Variants in LMBR1 observed in about 807,000 individuals in gnomAD.
LMBR1 encodes limb region 1 protein homolog.
LMBR1 carries 52 observed loss-of-function variants against 73.9 expected under a neutral mutation model. The observed-to-expected ratio is 0.70, with a 90% confidence interval of 0.56 to 0.89. The LOEUF (loss-of-function observed/expected upper bound fraction) is 0.89. Ranked by LOEUF, LMBR1 falls within the 40% of genes least tolerant of loss-of-function variation. The probability of loss-of-function intolerance (pLI) is 0.00; values close to 1 mark genes in which losing one functional copy is unlikely to be tolerated. For synonymous variants in LMBR1, 215 were observed against 209.4 expected (o/e 1.03, Z -0.23); for missense variants, 539 against 579.8 (o/e 0.93, Z 0.72).
chr7:156,703,050 A>G (rs527899049), intron 15 of LMBR1, among the ~76,000 whole-genome samples: 1 of 152,336 alleles, frequency 6.6e-6, no homozygotes, highest in African/African-American at 2.4e-5. Context: ...GGGAAACTGT[A>G]CAATCCAGGC....
At chr7:156,848,605 G>A (rs2134047362) in intron 1 of LMBR1, among the ~76,000 whole-genome samples, 1 of 152,270 alleles carries the variant, frequency 6.6e-6, no homozygotes, top group Admixed American at 6.5e-5. Context: ...AGTCACTGTG[G>A]AAAGCAGTGT....
At chr7:156,686,099 T>G (rs1805950101) in intron 16 of LMBR1, among the ~76,000 whole-genome samples, 1 of 151,848 alleles carries the variant, frequency 6.6e-6, no homozygotes, top group Non-Finnish European at 1.5e-5. Context: ...GAAAAGGGAC[T>G]GAGTGAAGAC....
chr7:156,748,731 T>G (rs565303124), intron 9 of LMBR1, among the ~76,000 whole-genome samples: 33 of 152,238 alleles, frequency 2.2e-4, no homozygotes, highest in Non-Finnish European at 4.3e-4. Context: ...TCAGGTGATC[T>G]GCCCACCTCA....
intron 15 of LMBR1, among the ~76,000 whole-genome samples, chr7:156,702,947 C>T (rs1188564257): frequency 6.6e-6 from 1 of 152,228 alleles, no homozygotes; most frequent in African/African-American, 2.4e-5. Flanking sequence ...AGAAGGAAAA[C>T]AGGCAGCCCA....
At chr7:156,776,635 C>T (rs1286367058) in intron 5 of LMBR1, among the ~76,000 whole-genome samples, 1 of 152,144 alleles carries the variant, frequency 6.6e-6, no homozygotes, top group African/African-American at 2.4e-5. Context: ...TCCCTTGTTC[C>T]CTCCTAATCC....
intron 1 of LMBR1, among the ~76,000 whole-genome samples, chr7:156,863,341 A>T (rs1225515635): frequency 3.4e-5 from 5 of 146,202 alleles, no homozygotes; most frequent in Admixed American, 6.8e-5. Flanking sequence ...GTCTTTTCAC[A>T]TTTTTTTTTT....
chr7:156,713,386 C>G (rs997482079), intron 15 of LMBR1, among the ~76,000 whole-genome samples: 8 of 152,154 alleles, frequency 5.3e-5, no homozygotes, highest in Non-Finnish European at 1.2e-4. Flanking sequence ...AACGTAAACT[C>G]TGGACTCTGG....
At chr7:156,770,276 CCT>C (rs879368961) in intron 5 of LMBR1, among the ~76,000 whole-genome samples, 23 of 152,004 alleles carry the variant, frequency 1.5e-4, no homozygotes, top group African/African-American at 4.6e-4. Flanking sequence ...ATCTCAGCCC[CCT>C]GAGTAGCTGG....
chr7:156,697,970 G>C (rs1230122241), intron 15 of LMBR1, among the ~76,000 whole-genome samples: 1 of 152,198 alleles, frequency 6.6e-6, no homozygotes, highest in Non-Finnish European at 1.5e-5. Flanking sequence ...CTCTGCGGCA[G>C]CTCCAGCCAG....
intron 1 of LMBR1, among the ~76,000 whole-genome samples, chr7:156,853,103 T>C (rs2134099525): frequency 6.6e-6 from 1 of 151,398 alleles, no homozygotes. Context: ...CACACCCGGC[T>C]AATTTTTTGT....
chr7:156,859,402 A>G (rs549528525), intron 1 of LMBR1, among the ~76,000 whole-genome samples: 1 of 152,338 alleles, frequency 6.6e-6, no homozygotes, highest in East Asian at 1.9e-4. Flanking sequence ...TTTGGAAGAA[A>G]GAAATAAAAC....
chr7:156,815,022 G>A (rs1444008955), intron 4 of LMBR1, among the ~76,000 whole-genome samples: 1 of 151,938 alleles, frequency 6.6e-6, no homozygotes, highest in Non-Finnish European at 1.5e-5. Flanking sequence ...CAGGCATGGT[G>A]GCACACGCCT....
intron 5 of LMBR1, among the ~76,000 whole-genome samples, chr7:156,789,810 T>C (rs1828875782): frequency 6.6e-6 from 1 of 152,162 alleles, no homozygotes; most frequent in South Asian, 2.1e-4. Flanking sequence ...CAAGGGTGAG[T>C]AGTTTTCTAT....
intron 15 of LMBR1, among the ~76,000 whole-genome samples, chr7:156,723,240 T>C (rs531690409): frequency 1.3e-5 from 2 of 152,282 alleles, no homozygotes; most frequent in African/African-American, 4.8e-5. Flanking sequence ...ACAGCCTGCA[T>C]CCCTGGTATC....
At chr7:156,809,755 T>G (rs1832767809) in intron 4 of LMBR1, among the ~76,000 whole-genome samples, 1 of 152,194 alleles carries the variant, frequency 6.6e-6, no homozygotes, top group African/African-American at 2.4e-5. Context: ...CTGTGATTCT[T>G]ATTATTGCTC....
intron 15 of LMBR1, among the ~76,000 whole-genome samples, chr7:156,722,099 G>T (rs1266364924): frequency 2.6e-5 from 4 of 151,802 alleles, no homozygotes; most frequent in African/African-American, 4.8e-5. Context: ...AAATAATAGA[G>T]AAATTACATA....
chr7:156,698,426 G>A (rs1808820498), intron 15 of LMBR1, among the ~76,000 whole-genome samples: 1 of 152,324 alleles, frequency 6.6e-6, no homozygotes, highest in East Asian at 1.9e-4. Context: ...TACTGCCCTA[G>A]CAGAGGTTCT....
At chr7:156,840,857 C>T (rs1304679226) in intron 1 of LMBR1, among the ~76,000 whole-genome samples, 1 of 142,986 alleles carries the variant, frequency 7.0e-6, no homozygotes, top group African/African-American at 2.6e-5. Context: ...CCTAGCTACT[C>T]GGGGGGCTGA....
chr7:156,734,362 A>G (rs1563238949), intron 9 of LMBR1, 105 bp from the exon 10 acceptor site: 1 of 624,430 alleles, frequency 1.6e-6, no homozygotes. Context: ...AATCCTGCTA[A>G]TCAAAAATAA....
Sources: gnomAD v4.1 joint callset for allele counts (sites outside exome capture counted in the v4.1 genomes callset) on GRCh38, gnomAD v4.1.1 for gene constraint, MANE v1.5 for transcripts, NCBI Gene and HGNC (gene_info 2026-07-23, HGNC 2026-07-21) for gene names.